MAN1A1: variants seen among roughly 807,000 people sequenced by gnomAD.
MAN1A1 encodes mannosidase alpha class 1A member 1, also known as mannosyl-oligosaccharide 1,2-alpha-mannosidase IA.
In MAN1A1, 29 loss-of-function variants were observed where a neutral mutation model predicts 70.8. That is an observed-to-expected ratio of 0.41 (90% CI 0.31 to 0.56). The LOEUF (loss-of-function observed/expected upper bound fraction) is 0.56. Among genes scored for constraint, MAN1A1 ranks in the 20% least tolerant of loss-of-function variants. The pLI is 0.29. For synonymous variants in MAN1A1, 349 were observed against 330.1 expected, an observed-to-expected ratio of 1.06 and a Z score of -0.62; for missense variants, 747 against 841.3, an observed-to-expected ratio of 0.89 and a Z score of 1.39.
intron 5 of MAN1A1, among the ~76,000 whole-genome samples, chr6:119,260,349 A>G (rs879297417): frequency 6.6e-6 from 1 of 152,232 alleles, no homozygotes; most frequent in Non-Finnish European, 1.5e-5. Context: ...TAATAAGGAT[A>G]CACCAGAACT....
chr6:119,230,677 C>T (rs1038911658), intron 6 of MAN1A1, among the ~76,000 whole-genome samples: 1 of 152,164 alleles, frequency 6.6e-6, no homozygotes, highest in East Asian at 1.9e-4. Context: ...ACCAAGAAAA[C>T]GTTTACCACT....
rs74719652 is a variant in MAN1A1, at chr6:119,215,968, C to T, written c.993-11086G>A. On this transcript the variant is annotated intron_variant, in intron 6 of 12. Transcript: ENST00000368468. Reference sequence around the variant, plus strand: ...TCTTCAAGGTGAGACCAGAAACGATCGAATGAACCTGCCAGTGAAGACCTG... The same window carrying T: ...TCTTCAAGGTGAGACCAGAAACGATTGAATGAACCTGCCAGTGAAGACCTG... Among the ~76,000 whole-genome samples the T allele has an allele frequency of 5.9e-3, 894 of 152,190 alleles. 28 individuals are homozygous for T. In the East Asian group the frequency reaches 0.09, roughly 15 times the overall value.
chr6:119,235,601 T>A (rs1774820265), intron 6 of MAN1A1, among the ~76,000 whole-genome samples: 1 of 152,208 alleles, frequency 6.6e-6, no homozygotes, highest in Non-Finnish European at 1.5e-5. Flanking sequence ...CAGCAAGTGC[T>A]AGAAGTGCAG....
chr6:119,269,512 C>A, intron 5 of MAN1A1: 2 of 191,040 alleles, frequency 1.0e-5, no homozygotes. Context: ...AGATGGGGGG[C>A]CTCAGGAAGG....
chr6:119,348,120 C>T (rs1029809687), intron 2 of MAN1A1, among the ~76,000 whole-genome samples: 2 of 152,144 alleles, frequency 1.3e-5, no homozygotes, highest in African/African-American at 4.8e-5. Flanking sequence ...TGATCAGTGC[C>T]GTCGCTGTTA....
rs75628669 is a variant in MAN1A1, at chr6:119,326,921, G to A, written c.604-19929C>T. On this transcript the variant is annotated intron_variant, in intron 2 of 12. Coordinates refer to ENST00000368468, the MANE Select transcript of MAN1A1 (RefSeq NM_005907.4). ...ACCACTGACTGTTGAGTAGCTCTACGTATGCAAGTGACTGTGCTTGACTTC... is the reference window on the plus strand; with the variant it reads ...ACCACTGACTGTTGAGTAGCTCTACATATGCAAGTGACTGTGCTTGACTTC... Among the ~76,000 whole-genome samples the A allele has an allele frequency of 6.0e-3, 909 of 152,288 alleles. 31 individuals are homozygous for A. In the East Asian group the frequency reaches 0.091, roughly 15 times the overall value.
intron 3 of MAN1A1, among the ~76,000 whole-genome samples, chr6:119,303,807 C>T (rs187178001): frequency 7.8e-4 from 119 of 152,298 alleles, no homozygotes; most frequent in African/African-American, 2.7e-3. Context: ...TATACTCAGG[C>T]ACCCTTCCCA....
At chr6:119,224,296 T>G (rs1434277160) in intron 6 of MAN1A1, among the ~76,000 whole-genome samples, 2 of 152,198 alleles carry the variant, frequency 1.3e-5, no homozygotes, top group Non-Finnish European at 2.9e-5. Flanking sequence ...TACTCCTGAA[T>G]CCATGCTCTA....
chr6:119,310,066 G>A (rs3798631), intron 2 of MAN1A1, among the ~76,000 whole-genome samples: 57,494 of 152,070 alleles, frequency 0.38, 11,345 homozygotes, highest in Non-Finnish European at 0.41. Flanking sequence ...GTAAATGTTT[G>A]TGAATATAGA....
rs1773117411 is a variant in MAN1A1, at chr6:119,180,364, G to A, written c.1783C>T (p.His595Tyr). ...TGCTGCACATCATCATAACTCTCATGAAGAAGGTAAACATCCCTTAGGCCT... is the reference window on the plus strand; with the variant it reads ...TGCTGCACATCATCATAACTCTCATAAAGAAGGTAAACATCCCTTAGGCCT... Reference protein sequence around the residue: ...YSGLRDVYLLHESYDDVQQSF... With the variant: ...YSGLRDVYLLYESYDDVQQSF... The change falls in exon 12 of 13, where the codon CAT (histidine) becomes TAT (tyrosine). Residue 595 changes from histidine (H) to tyrosine (Y), a missense_variant. By Grantham distance (83) the His-to-Tyr change is moderately conservative. Around this residue, in one of 2 missense-constraint regions of MAN1A1, gnomAD observed 419 missense variants for 548.2 expected, o/e 0.76. Coordinates refer to ENST00000368468, the MANE Select transcript of MAN1A1 (RefSeq NM_005907.4). The A allele has an allele frequency of 1.2e-6, 2 of 1,613,776 alleles. No individual in the cohort carries two copies. The highest frequency in any genetic ancestry group is 2.7e-5 in the African/African-American group (2 of 74,882).
intron 6 of MAN1A1, among the ~76,000 whole-genome samples, chr6:119,214,470 T>C (rs762717552): frequency 2.6e-5 from 4 of 152,134 alleles, no homozygotes; most frequent in Non-Finnish European, 5.9e-5. Context: ...TAAAATAAGT[T>C]TTTAAATTGT....
At chr6:119,194,778 G>C (rs914160427) in intron 8 of MAN1A1, among the ~76,000 whole-genome samples, 2 of 92,610 alleles carry the variant, frequency 2.2e-5, no homozygotes, top group African/African-American at 5.8e-5. Flanking sequence ...TATCATGCCA[G>C]ATCCACTACA....
chr6:119,271,504 CTT>C (rs1160948184), intron 5 of MAN1A1, among the ~76,000 whole-genome samples: 7 of 144,674 alleles, frequency 4.8e-5, no homozygotes, highest in Admixed American at 1.4e-4. Context: ...GTAGCCCCAT[CTT>C]TTTTTTTTTT....
intron 6 of MAN1A1, among the ~76,000 whole-genome samples, chr6:119,224,363 T>C (rs1224509190): frequency 6.6e-6 from 1 of 152,210 alleles, no homozygotes; most frequent in East Asian, 1.9e-4. Context: ...AGCTTAGCAA[T>C]GTCTACAAAA....
intron 9 of MAN1A1, among the ~76,000 whole-genome samples, chr6:119,190,369 A>C (rs1466725942): frequency 6.6e-6 from 1 of 152,156 alleles, no homozygotes; most frequent in Non-Finnish European, 1.5e-5. Flanking sequence ...GGCAAAGAGG[A>C]GGTGTTCTGG....
rs1449368514 is a variant in MAN1A1 at position 119,231,323 on chromosome 6, T to C, written c.992+16937A>G. Among the ~76,000 whole-genome samples, 3 of 152,130 alleles carry C rather than the reference T, an allele frequency of 2.0e-5. No individual in the cohort carries two copies. The South Asian group carries it at 6.2e-4, about 32-fold the overall frequency. ...TTGTGATAGTGAGTCTCATGAGATCTGATGGTTTTATAAGCATCTGGCATT... is the reference window on the plus strand; with the variant it reads ...TTGTGATAGTGAGTCTCATGAGATCCGATGGTTTTATAAGCATCTGGCATT... On this transcript the variant is annotated intron_variant, in intron 6 of 12. Coordinates refer to ENST00000368468, the MANE Select transcript of MAN1A1 (RefSeq NM_005907.4).
intron 2 of MAN1A1, among the ~76,000 whole-genome samples, chr6:119,323,859 C>T (rs1475896852): frequency 6.6e-6 from 1 of 152,086 alleles, no homozygotes; most frequent in East Asian, 1.9e-4. Flanking sequence ...ATTCAATATA[C>T]CTACGGGATG....
intron 8 of MAN1A1, among the ~76,000 whole-genome samples, chr6:119,200,666 C>T (rs951263959): frequency 2.0e-5 from 3 of 152,160 alleles, no homozygotes; most frequent in African/African-American, 4.8e-5. Flanking sequence ...TGCTCAAAAT[C>T]GTCTGAAGAG....
intron 5 of MAN1A1, among the ~76,000 whole-genome samples, chr6:119,279,785 TC>T (rs1001205283): frequency 2.0e-5 from 3 of 152,126 alleles, no homozygotes; most frequent in African/African-American, 7.2e-5. Context: ...AATGCCACCT[TC>T]CCCTAACTGC....
Sources: gnomAD v4.1 joint callset for allele counts (sites outside exome capture counted in the v4.1 genomes callset) on GRCh38, gnomAD v4.1.1 for gene constraint, gnomAD v4.1.1 regional missense constraint, MANE v1.5 for transcripts, NCBI Gene and HGNC (gene_info 2026-07-23, HGNC 2026-07-21) for gene names.